PTPRT: variants seen among roughly 807,000 people sequenced by gnomAD.
PTPRT encodes the protein protein tyrosine phosphatase receptor type T.
In PTPRT, 56 loss-of-function variants were observed where a neutral mutation model predicts 176.8. The observed-to-expected ratio is 0.32, with a 90% CI of 0.26 to 0.40. The LOEUF (loss-of-function observed/expected upper bound fraction) is 0.40. Ranked by LOEUF, PTPRT falls within the 10% of genes least tolerant of loss-of-function variation. PTPRT has a pLI of 1.00. For synonymous variants in PTPRT, 783 were observed against 739.0 expected (o/e 1.06, Z -0.96); for missense variants, 1,540 against 1,908.2 (o/e 0.81, Z 3.60).
chr20:42,877,397 C>A (rs1232202602), intron 2 of PTPRT, among the ~76,000 whole-genome samples: 2 of 151,986 alleles, frequency 1.3e-5, no homozygotes, highest in South Asian at 2.1e-4. Context: ...CACCTCTCAG[C>A]GAGCTACACA....
chr20:43,135,995 C>T (rs780779903), intron 1 of PTPRT, among the ~76,000 whole-genome samples: 6 of 152,180 alleles, frequency 3.9e-5, no homozygotes, highest in Non-Finnish European at 7.3e-5. Context: ...GTGCTTAAAT[C>T]CACAGCAAAG....
At chr20:42,605,684 C>G (rs1040465373) in intron 7 of PTPRT, among the ~76,000 whole-genome samples, 1 of 152,110 alleles carries the variant, frequency 6.6e-6, no homozygotes, top group Non-Finnish European at 1.5e-5. Context: ...GAGCAAAGAC[C>G]GATCTGCACA....
At chr20:42,355,579 C>T (rs891337187) in intron 9 of PTPRT, among the ~76,000 whole-genome samples, 3 of 152,098 alleles carry the variant, frequency 2.0e-5, no homozygotes, top group Non-Finnish European at 4.4e-5. Context: ...AGAGCAAAGC[C>T]CAGAGCCACT....
intron 9 of PTPRT, among the ~76,000 whole-genome samples, chr20:42,389,139 G>C (rs1315299263): frequency 2.9e-5 from 4 of 136,778 alleles, no homozygotes; most frequent in African/African-American, 7.9e-5. Flanking sequence ...GGTGAGGGGA[G>C]GGGGGAGGGA....
chr20:42,422,463 T>C (rs560096093), intron 9 of PTPRT, among the ~76,000 whole-genome samples: 1 of 152,068 alleles, frequency 6.6e-6, no homozygotes, highest in African/African-American at 2.4e-5. Flanking sequence ...ACATCACTGA[T>C]CGTTAGAGAA....
chr20:42,451,300 C>T (rs1170139362), intron 8 of PTPRT, among the ~76,000 whole-genome samples: 1 of 152,042 alleles, frequency 6.6e-6, no homozygotes, highest in Non-Finnish European at 1.5e-5. Context: ...ACTGGGGGAT[C>T]AAAATGTTGT....
At chr20:42,995,901 C>T (rs1025367058) in intron 1 of PTPRT, among the ~76,000 whole-genome samples, 4 of 151,948 alleles carry the variant, frequency 2.6e-5, no homozygotes, top group East Asian at 1.9e-4. Flanking sequence ...ACTGCAGCCT[C>T]GACTCCTGGG....
chr20:42,148,592 A>G (rs1988985469), intron 17 of PTPRT, among the ~76,000 whole-genome samples: 1 of 152,002 alleles, frequency 6.6e-6, no homozygotes, highest in African/African-American at 2.4e-5. Context: ...AAAAGGGGAG[A>G]TCTGAGAGGG....
chr20:42,373,662 A>G (rs370272932), intron 9 of PTPRT, among the ~76,000 whole-genome samples: 7 of 152,358 alleles, frequency 4.6e-5, no homozygotes, highest in African/African-American at 1.7e-4. Flanking sequence ...CTCATTCGCA[A>G]TGACTTGACC....
chr20:42,291,980 A>G (rs922238051), intron 12 of PTPRT, among the ~76,000 whole-genome samples: 1 of 152,152 alleles, frequency 6.6e-6, no homozygotes, highest in Admixed American at 6.5e-5. Context: ...GGTGAGAAGA[A>G]GGTGGTGGTA....
chr20:42,587,067 C>A (rs758492553), intron 7 of PTPRT, among the ~76,000 whole-genome samples: 1 of 152,156 alleles, frequency 6.6e-6, no homozygotes, highest in Non-Finnish European at 1.5e-5. Flanking sequence ...CCTCACCATC[C>A]TCAACCACAT....
chr20:42,724,597 A>T (rs1466207708), intron 6 of PTPRT, among the ~76,000 whole-genome samples: 2 of 152,042 alleles, frequency 1.3e-5, no homozygotes, highest in East Asian at 3.9e-4. Context: ...CTGCCTCCTC[A>T]TTCCTCATTT....
chr20:42,081,188 C>A (rs1300058394), intron 30 of PTPRT, among the ~76,000 whole-genome samples: 1 of 152,098 alleles, frequency 6.6e-6, no homozygotes, highest in Non-Finnish European at 1.5e-5. Flanking sequence ...TACAACAGGG[C>A]TTCTCAAACT....
Position 42,796,481 on chromosome 20 carries a change from A to G in PTPRT, c.215-5015T>C, listed in dbSNP as rs961377091. Reference sequence around the variant, plus strand: ...ATTTTATAAACTCCAGTAGGGAACAAGTAACTTGGCCAAGGTCAACCAACA... The same window carrying G: ...ATTTTATAAACTCCAGTAGGGAACAGGTAACTTGGCCAAGGTCAACCAACA... On this transcript the variant is annotated intron_variant, in intron 2 of 30. Transcript: ENST00000373187. Among the ~76,000 whole-genome samples the G allele has an allele frequency of 3.9e-5, 6 of 152,336 alleles. 1 individual carries two copies. In the South Asian group the frequency reaches 1.2e-3, roughly 32 times the overall value.
At chr20:43,041,652 T>C (rs2425555) in intron 1 of PTPRT, among the ~76,000 whole-genome samples, 48,250 of 152,146 alleles carry the variant, frequency 0.32, 10,596 homozygotes, top group African/African-American at 0.62. Flanking sequence ...AGTAAACCTA[T>C]CCAACCTATG....
At chr20:42,157,576 C>A (rs1332092499) in intron 17 of PTPRT, among the ~76,000 whole-genome samples, 1 of 152,052 alleles carries the variant, frequency 6.6e-6, no homozygotes, top group Non-Finnish European at 1.5e-5. Flanking sequence ...GAACTCCTGA[C>A]CTCAGGCAAT....
chr20:42,927,429 G>C (rs1979558379), intron 1 of PTPRT, among the ~76,000 whole-genome samples: 2 of 152,184 alleles, frequency 1.3e-5, no homozygotes, highest in African/African-American at 4.8e-5. Flanking sequence ...AGGCGTAGTG[G>C]CGCATGCCCG....
At chr20:42,841,776 G>A (rs1211538319) in intron 2 of PTPRT, among the ~76,000 whole-genome samples, 2 of 152,210 alleles carry the variant, frequency 1.3e-5, no homozygotes, top group African/African-American at 4.8e-5. Context: ...TATCACACAT[G>A]TGGGTATCTT....
chr20:42,770,204 C>G (rs559987081), intron 5 of PTPRT, among the ~76,000 whole-genome samples: 1 of 152,144 alleles, frequency 6.6e-6, no homozygotes, highest in African/African-American at 2.4e-5. Flanking sequence ...TTCACTGCAA[C>G]CTCCGCCTCC....
Sources: gnomAD v4.1 joint callset for allele counts (sites outside exome capture counted in the v4.1 genomes callset) on GRCh38, gnomAD v4.1.1 for gene constraint, MANE v1.5 for transcripts, NCBI Gene and HGNC (gene_info 2026-07-23, HGNC 2026-07-21) for gene names.